ATR: variants seen among roughly 807,000 people sequenced by gnomAD.
ATR encodes ATR checkpoint kinase, also known as serine/threonine-protein kinase ATR.
Under a neutral mutation model 305.3 loss-of-function variants are expected in ATR, and 142 were observed. That is an observed-to-expected ratio of 0.47 (90% CI 0.41 to 0.53). The LOEUF (loss-of-function observed/expected upper bound fraction) is 0.53. Ranked by LOEUF, ATR falls within the 20% of genes least tolerant of loss-of-function variation. The pLI, the probability that ATR is intolerant of heterozygous loss-of-function variation, is 0.00. For missense variants in ATR, 2,135 were observed against 3,133.1 expected (o/e 0.68, Z 7.60); for synonymous variants, 1,050 against 1,068.1 (o/e 0.98, Z 0.33).
intron 36 of ATR, among the ~76,000 whole-genome samples, chr3:142,480,280 T>A (rs56788087): frequency 1.3e-3 from 194 of 152,364 alleles, no homozygotes; most frequent in African/African-American, 4.5e-3. Flanking sequence ...GGATGCCCTT[T>A]CTGTTTGTTA....
intron 21 of ATR, among the ~76,000 whole-genome samples, chr3:142,526,942 C>A (rs1344872979): frequency 1.3e-5 from 2 of 151,958 alleles, no homozygotes. Flanking sequence ...GCATGTGCCA[C>A]CATGCCTGGC....
chr3:142,504,613 C>T (rs770016296), intron 29 of ATR, among the ~76,000 whole-genome samples: 2 of 151,822 alleles, frequency 1.3e-5, no homozygotes, highest in Non-Finnish European at 2.9e-5. Flanking sequence ...CAGGCGCTCG[C>T]CACCACACCC....
chr3:142,485,306 C>A (rs528055896), intron 35 of ATR, 24 bp from the exon 36 acceptor site: 2 of 1,613,426 alleles, frequency 1.2e-6, no homozygotes, highest in African/African-American at 2.7e-5. Context: ...CATAGGATAC[C>A]TACCTAAGGA....
At chr3:142,453,964 AT>A (rs997937910) in intron 45 of ATR, among the ~76,000 whole-genome samples, 1 of 151,986 alleles carries the variant, frequency 6.6e-6, no homozygotes, top group Non-Finnish European at 1.5e-5. Context: ...CTAGGACCCT[AT>A]TTTTTCTACA....
At position 142,493,161 on chromosome 3, in the gene ATR, C is replaced by T; in HGVS notation, c.6049G>A (p.Glu2017Lys). 3.1e-6 allele frequency: 5 copies of T among 1,613,392 alleles called. No homozygotes were observed. The highest frequency in any genetic ancestry group is 4.2e-6 in the Non-Finnish European group (5 of 1,179,600). The change falls in exon 35 of 47, where the codon GAA becomes AAA. Residue 2017 changes from glutamate (E) to lysine (K), a missense_variant. By Grantham distance (56) the Glu-to-Lys change is moderately conservative. Coordinates refer to ENST00000350721, the MANE Select transcript of ATR (RefSeq NM_001184.4). ...GRFMEETANF[E>K]SNAIMKKYKD... is the part of the protein sequence containing the mutation. ...TATTTTTTCATAATTGCATTGCTTT[C>T]AAAGTTAGCTGTTTCTTCCATAAAT...
chr3:142,528,677 T>C (rs2033497853), intron 21 of ATR, among the ~76,000 whole-genome samples: 3 of 151,324 alleles, frequency 2.0e-5, no homozygotes, highest in Admixed American at 1.3e-4. Context: ...TTCACACTTA[T>C]TAATGTGACT....
chr3:142,497,911 T>C (rs964953098), intron 32 of ATR, among the ~76,000 whole-genome samples: 1 of 152,192 alleles, frequency 6.6e-6, no homozygotes, highest in Non-Finnish European at 1.5e-5. Context: ...TTCCCCCTTG[T>C]ATGATAGTCA....
intron 21 of ATR, among the ~76,000 whole-genome samples, chr3:142,527,870 C>T (rs961056379): frequency 6.6e-6 from 1 of 152,136 alleles, no homozygotes; most frequent in African/African-American, 2.4e-5. Flanking sequence ...TACCCATCAG[C>T]AATCACTCCC....
intron 36 of ATR, among the ~76,000 whole-genome samples, chr3:142,484,901 T>C (rs566832836): frequency 1.3e-5 from 2 of 152,312 alleles, no homozygotes; most frequent in South Asian, 4.1e-4. Flanking sequence ...AGCAGAGGAA[T>C]AACATAGTTA....
intron 4 of ATR, among the ~76,000 whole-genome samples, chr3:142,561,679 T>C (rs978817295): frequency 6.6e-6 from 1 of 152,216 alleles, no homozygotes; most frequent in East Asian, 1.9e-4. Context: ...CTATAAATTT[T>C]AATTCCCTTA....
intron 4 of ATR, 56 bp downstream of exon 4, chr3:142,562,176 A>G: frequency 6.4e-7 from 1 of 1,567,444 alleles, no homozygotes; most frequent in African/African-American, 1.4e-5. Flanking sequence ...ACATATGTAT[A>G]CAATTAAATG....
At position 142,578,706 on chromosome 3, in the gene ATR, C is replaced by G. The variant is rs751257647; in HGVS notation, c.-2G>C. 5.6e-6 allele frequency: 9 copies of G among 1,613,048 alleles called. No individual in the cohort carries two copies. Among genetic ancestry groups the G allele is most frequent in the Non-Finnish European group, 2.5e-6 (3 of 1,179,690 alleles). On this transcript the variant is annotated 5_prime_UTR_variant, in exon 1 of 47. Transcript: ENST00000350721. ...CAGCTCCAGGCCATGTTCCCCCATGCTGAGGCTGCGAGGCACTAGTCAACC... is the reference window on the plus strand; with the variant it reads ...CAGCTCCAGGCCATGTTCCCCCATGGTGAGGCTGCGAGGCACTAGTCAACC...
chr3:142,513,757 T>C (rs2032712774), intron 25 of ATR, 119 bp from the exon 26 acceptor site: 1 of 1,123,018 alleles, frequency 8.9e-7, no homozygotes, highest in South Asian at 1.8e-5. Flanking sequence ...AAAAAGTTTT[T>C]TAATTAATTT....
chr3:142,568,451 T>C (rs2035146427), intron 1 of ATR, among the ~76,000 whole-genome samples: 1 of 152,312 alleles, frequency 6.6e-6, no homozygotes, highest in African/African-American at 2.4e-5. Flanking sequence ...TTAGTACAAA[T>C]TGAAATGTGC....
chr3:142,499,747 CTTTAA>C (rs2031854684), intron 30 of ATR, 29 bp from the exon 31 acceptor site: 2 of 1,587,418 alleles, frequency 1.3e-6, no homozygotes, highest in African/African-American at 1.3e-5. Flanking sequence ...ATCAACTAAA[CTTTAA>C]TTTATTTAAG....
intron 5 of ATR, among the ~76,000 whole-genome samples, 193 bp from the exon 6 acceptor site, chr3:142,560,647 G>A (rs944101978): frequency 2.0e-5 from 3 of 151,600 alleles, no homozygotes; most frequent in African/African-American, 4.9e-5. Context: ...TGCAAGCTCC[G>A]CCTCCCGGGT....
chr3:142,457,563 C>T (rs745414333), intron 45 of ATR, 41 bp downstream of exon 45: 17 of 1,610,340 alleles, frequency 1.1e-5, no homozygotes, highest in African/African-American at 5.3e-5. Context: ...TAATTATATT[C>T]GAGGTTACTG....
At chr3:142,512,231 A>C (rs1161921312) in intron 27 of ATR, 29 bp downstream of exon 27, 6 of 1,550,536 alleles carry the variant, frequency 3.9e-6, no homozygotes, top group Non-Finnish European at 5.2e-6. Flanking sequence ...AAAAAAAAAA[A>C]AAAAAAAGAA....
chr3:142,578,632 G>C lies in ATR; in HGVS notation c.59+14C>G, dbSNP rs778086212. On this transcript the variant is annotated intron_variant, in intron 1 of 46. Transcript: ENST00000350721. ...CGGAGGAGGATGCAGGACCCAGGCTGGGCCTAGCCCTACCTGCCCAGCTCC... is the reference window on the plus strand; with the variant it reads ...CGGAGGAGGATGCAGGACCCAGGCTCGGCCTAGCCCTACCTGCCCAGCTCC... 5 of 1,610,620 alleles carry C rather than the reference G, an allele frequency of 3.1e-6. 1 individual carries two copies. In the South Asian group the frequency reaches 4.4e-5, roughly 14 times the overall value.
Sources: allele counts gnomAD v4.1 joint callset (sites outside exome capture counted in the v4.1 genomes callset), GRCh38; gene constraint gnomAD v4.1.1; transcripts MANE v1.5; gene names NCBI Gene and HGNC (gene_info 2026-07-23, HGNC 2026-07-21).